Variants in NPY2R observed in about 807,000 individuals in gnomAD.
NPY2R encodes neuropeptide Y receptor type 2.
Under a neutral mutation model 22.3 loss-of-function variants are expected in NPY2R, and 17 were observed. That is an observed-to-expected ratio of 0.76 (90% CI 0.52 to 1.14). The LOEUF is 1.14. Ranked by LOEUF, NPY2R falls within the 50% of genes most tolerant of loss-of-function variation. The probability of loss-of-function intolerance (pLI) is 0.00; values close to 1 mark genes in which losing one functional copy is unlikely to be tolerated. For missense variants in NPY2R, 424 were observed against 467.9 expected, an observed-to-expected ratio of 0.91 and a Z score of 0.87; for synonymous variants, 209 against 183.4, an observed-to-expected ratio of 1.14 and a Z score of -1.13.
At chr4:155,191,183 T>G in the NPY2R span, among the ~76,000 whole-genome samples, 1 of 151,848 alleles carries the variant, frequency 6.6e-6, no homozygotes, top group Non-Finnish European at 1.5e-5. Context: ...TGGAGATGCA[T>G]TCTCCCAAAT....
chr4:155,180,832 T>A, the NPY2R span, among the ~76,000 whole-genome samples: 1 of 151,546 alleles, frequency 6.6e-6, no homozygotes, highest in South Asian at 2.1e-4. Flanking sequence ...TTATTTATAT[T>A]TGACATTTTA....
chr4:155,195,863 G>T, the NPY2R span, among the ~76,000 whole-genome samples: 1 of 151,936 alleles, frequency 6.6e-6, no homozygotes, highest in Non-Finnish European at 1.5e-5. Context: ...AGATGCCAGA[G>T]GACAGAGCTG....
At chr4:155,176,589 T>C in the NPY2R span, among the ~76,000 whole-genome samples, 1 of 152,192 alleles carries the variant, frequency 6.6e-6, no homozygotes, top group Non-Finnish European at 1.5e-5. Flanking sequence ...CATATTAGGA[T>C]ACATAAACAC....
chr4:155,203,035 T>A, the NPY2R span, among the ~76,000 whole-genome samples: 3 of 152,240 alleles, frequency 2.0e-5, no homozygotes, highest in African/African-American at 4.8e-5. Context: ...CCTTTTAGAT[T>A]TGGTTCCTTA....
the NPY2R span, among the ~76,000 whole-genome samples, chr4:155,174,883 C>T: frequency 1.3e-5 from 2 of 152,056 alleles, no homozygotes; most frequent in Non-Finnish European, 2.9e-5. Flanking sequence ...TTTGACCATA[C>T]TCATTTTTAT....
At chr4:155,189,055 T>A in the NPY2R span, among the ~76,000 whole-genome samples, 1 of 152,076 alleles carries the variant, frequency 6.6e-6, no homozygotes, top group South Asian at 2.1e-4. Context: ...TTCATGTAAT[T>A]CTAATATTAC....
At chr4:155,192,524 C>G in the NPY2R span, among the ~76,000 whole-genome samples, 2 of 151,812 alleles carry the variant, frequency 1.3e-5, no homozygotes, top group Admixed American at 1.3e-4. Context: ...AAAAAGAGTC[C>G]ATTTCAGTCT....
At chr4:155,189,765 T>C in the NPY2R span, among the ~76,000 whole-genome samples, 10 of 152,044 alleles carry the variant, frequency 6.6e-5, no homozygotes, top group South Asian at 2.1e-3. Context: ...CTCCTATGTT[T>C]CCTAATTCAA....
the NPY2R span, among the ~76,000 whole-genome samples, chr4:155,188,587 C>T: frequency 9.2e-5 from 14 of 152,100 alleles, no homozygotes; most frequent in Middle Eastern, 3.4e-3. Context: ...ATGAGTAAAA[C>T]TTTCCTCTTG....
the NPY2R span, among the ~76,000 whole-genome samples, chr4:155,182,692 TG>T: frequency 6.6e-6 from 1 of 152,142 alleles, no homozygotes; most frequent in African/African-American, 2.4e-5. Context: ...TTATTATTCT[TG>T]GTTTTAAATA....
the NPY2R span, among the ~76,000 whole-genome samples, chr4:155,201,407 G>A: frequency 6.6e-6 from 1 of 152,126 alleles, no homozygotes; most frequent in African/African-American, 2.4e-5. Flanking sequence ...GAGCTTCCAA[G>A]TACTATCACC....
chr4:155,195,780 A>G, the NPY2R span, among the ~76,000 whole-genome samples: 1 of 151,988 alleles, frequency 6.6e-6, no homozygotes, highest in East Asian at 1.9e-4. Context: ...ACCAAGAGCA[A>G]GATGAATGAA....
At chr4:155,210,160 T>C (rs569986441) in intron 1 of NPY2R, among the ~76,000 whole-genome samples, 2 of 152,214 alleles carry the variant, frequency 1.3e-5, no homozygotes, top group South Asian at 4.1e-4. Flanking sequence ...TGATGGCAAC[T>C]TCCTCTGTGT....
the NPY2R span, among the ~76,000 whole-genome samples, chr4:155,174,673 C>T: frequency 1.3e-5 from 2 of 151,634 alleles, no homozygotes; most frequent in South Asian, 4.2e-4. Context: ...TCTTTTCCAT[C>T]CCTAATAACT....
At chr4:155,212,922 T>C (rs13137904) in intron 1 of NPY2R, among the ~76,000 whole-genome samples, 27,766 of 152,202 alleles carry the variant, frequency 0.18, 2,667 homozygotes, top group Non-Finnish European at 0.22. Flanking sequence ...AAACGTGGTA[T>C]GTAATACACC....
chr4:155,193,580 C>G, the NPY2R span, among the ~76,000 whole-genome samples: 1 of 151,866 alleles, frequency 6.6e-6, no homozygotes, highest in Non-Finnish European at 1.5e-5. Context: ...GAGGAGATGA[C>G]AGCAAGAAGG....
upstream of NPY2R, among the ~76,000 whole-genome samples, chr4:155,204,215 A>C (rs555517064): frequency 2.0e-4 from 30 of 151,508 alleles, no homozygotes; most frequent in African/African-American, 7.1e-4. Flanking sequence ...AAAAAAAAAA[A>C]CGAAAAAGCT....
intron 1 of NPY2R, among the ~76,000 whole-genome samples, chr4:155,209,514 C>T (rs1729357394): frequency 6.6e-6 from 1 of 152,008 alleles, no homozygotes; most frequent in Non-Finnish European, 1.5e-5. Flanking sequence ...AAATTAAAAG[C>T]TTTGAGACTT....
chr4:155,187,632 G>T, the NPY2R span, among the ~76,000 whole-genome samples: 2 of 151,992 alleles, frequency 1.3e-5, no homozygotes, highest in Non-Finnish European at 2.9e-5. Flanking sequence ...GGACATCTTG[G>T]CAGTACCTCC....
Sources: allele counts gnomAD v4.1 joint callset (sites outside exome capture counted in the v4.1 genomes callset), GRCh38; gene constraint gnomAD v4.1.1; transcripts MANE v1.5; gene names NCBI Gene and HGNC (gene_info 2026-07-23, HGNC 2026-07-21).